Variants in PLXDC2 observed in about 807,000 individuals in gnomAD.
PLXDC2 encodes the protein plexin domain-containing protein 2.
Under a neutral mutation model 68.9 loss-of-function variants are expected in PLXDC2, and 40 were observed. That is an observed-to-expected ratio of 0.58 (90% confidence interval 0.45 to 0.76). The LOEUF is 0.76. Ranked by LOEUF, PLXDC2 falls within the 30% of genes least tolerant of loss-of-function variation. PLXDC2 has a pLI of 0.00. For synonymous variants in PLXDC2, 243 were observed against 234.2 expected, an observed-to-expected ratio of 1.04 and a Z score of -0.34; for missense variants, 644 against 661.9, an observed-to-expected ratio of 0.97 and a Z score of 0.30.
intron 1 of PLXDC2, among the ~76,000 whole-genome samples, chr10:19,886,709 T>G (rs1457370210): frequency 1.3e-5 from 2 of 152,194 alleles, no homozygotes. Flanking sequence ...CTTTGAAAAC[T>G]GGCACAAGAC....
intron 13 of PLXDC2, among the ~76,000 whole-genome samples, chr10:20,266,787 C>T (rs1835877679): frequency 1.3e-5 from 2 of 152,162 alleles, no homozygotes; most frequent in Non-Finnish European, 2.9e-5. Flanking sequence ...ATTCTAATAA[C>T]AATATAGGCG....
intron 13 of PLXDC2, among the ~76,000 whole-genome samples, chr10:20,271,115 G>A (rs762887327): frequency 1.4e-4 from 16 of 110,922 alleles, no homozygotes; most frequent in Middle Eastern, 4.1e-3. Context: ...AAAGGGGACC[G>A]TTTAAGACAA....
chr10:19,937,584 T>TATA (rs1833747720), intron 1 of PLXDC2, among the ~76,000 whole-genome samples: 2 of 80,690 alleles, frequency 2.5e-5, no homozygotes, highest in Non-Finnish European at 5.0e-5. Flanking sequence ...ATATATATAT[T>TATA]TGCAACTTCT....
At chr10:20,194,575 T>G (rs1345147452) in intron 9 of PLXDC2, among the ~76,000 whole-genome samples, 1 of 152,026 alleles carries the variant, frequency 6.6e-6, no homozygotes, top group Non-Finnish European at 1.5e-5. Context: ...AAATATGATA[T>G]CTTTTGAAAG....
chr10:20,166,043 A>C (rs1270809618), intron 7 of PLXDC2, among the ~76,000 whole-genome samples: 2 of 152,102 alleles, frequency 1.3e-5, no homozygotes, highest in East Asian at 3.9e-4. Flanking sequence ...TCTTTTGTTC[A>C]AAGTTCTTTT....
At chr10:20,251,234 C>A (rs1420158765) in intron 13 of PLXDC2, among the ~76,000 whole-genome samples, 1 of 152,130 alleles carries the variant, frequency 6.6e-6, no homozygotes, top group Admixed American at 6.5e-5. Flanking sequence ...GCTTGCATTT[C>A]AAGTTATGTG....
intron 1 of PLXDC2, among the ~76,000 whole-genome samples, chr10:19,893,788 T>A (rs1429541460): frequency 6.6e-6 from 1 of 152,226 alleles, no homozygotes; most frequent in African/African-American, 2.4e-5. Context: ...GCATGTCATG[T>A]CAGAAATGAC....
At chr10:19,941,950 T>G (rs1294907498) in intron 1 of PLXDC2, among the ~76,000 whole-genome samples, 1 of 151,846 alleles carries the variant, frequency 6.6e-6, no homozygotes, top group African/African-American at 2.4e-5. Flanking sequence ...GTATTGTGTT[T>G]GTTTCCAGCC....
chr10:20,028,891 T>C (rs1373446717), intron 2 of PLXDC2, among the ~76,000 whole-genome samples: 1 of 152,226 alleles, frequency 6.6e-6, no homozygotes, highest in East Asian at 1.9e-4. Flanking sequence ...GTCTCTCTTC[T>C]TTTACAGAAT....
intron 4 of PLXDC2, among the ~76,000 whole-genome samples, chr10:20,081,444 A>T (rs1182498044): frequency 2.0e-5 from 3 of 152,208 alleles, no homozygotes; most frequent in Admixed American, 2.0e-4. Context: ...AAAGCAGAAC[A>T]GAACATCAGA....
chr10:20,238,662 A>AATATATATATATATATATATATAT (rs1554777528), intron 12 of PLXDC2, among the ~76,000 whole-genome samples: 1 of 31,726 alleles, frequency 3.2e-5, no homozygotes, highest in African/African-American at 1.0e-4. Context: ...TCTCAAAAAA[A>AATATATATATATATATATATATAT]ATATATATAT....
At chr10:19,932,525 C>T (rs928962877) in intron 1 of PLXDC2, among the ~76,000 whole-genome samples, 1 of 152,338 alleles carries the variant, frequency 6.6e-6, no homozygotes, top group East Asian at 1.9e-4. Flanking sequence ...ACACACTATA[C>T]AGCGTTTTAT....
At chr10:20,258,713 A>T (rs1835773620) in intron 13 of PLXDC2, among the ~76,000 whole-genome samples, 1 of 152,164 alleles carries the variant, frequency 6.6e-6, no homozygotes, top group African/African-American at 2.4e-5. Context: ...CATAGAAAGG[A>T]TGGAAAACTT....
chr10:20,151,166 A>G (rs1426423533), intron 6 of PLXDC2, among the ~76,000 whole-genome samples: 1 of 152,156 alleles, frequency 6.6e-6, no homozygotes, highest in Non-Finnish European at 1.5e-5. Flanking sequence ...GCAAATTGTT[A>G]TTTGTAAAAT....
chr10:19,820,885 C>G (rs951884672), intron 1 of PLXDC2, among the ~76,000 whole-genome samples: 3 of 152,096 alleles, frequency 2.0e-5, no homozygotes, highest in African/African-American at 4.8e-5. Flanking sequence ...CCAGACCAGC[C>G]TGGCCAGCAT....
intron 4 of PLXDC2, among the ~76,000 whole-genome samples, chr10:20,093,890 G>C (rs891079124): frequency 2.6e-5 from 4 of 151,840 alleles, no homozygotes; most frequent in Non-Finnish European, 5.9e-5. Context: ...GCTCAGGCTG[G>C]TCTCAAACTA....
At position 20,046,802 on chromosome 10, in the gene PLXDC2, AT is replaced by A. The variant is rs112463097; in HGVS notation, c.325-59del. ...TATTAATACTCTTGAGTTCAATAGG[AT>A]TTTTTTTAAAGAATTGTAGGTAAAA... On this transcript the variant is annotated intron_variant, in intron 2 of 13. Transcript: ENST00000377252. The A allele has an allele frequency of 1.2e-5, 17 of 1,460,208 alleles. No homozygotes were observed. In the South Asian group the frequency reaches 1.5e-4, roughly 13 times the overall value. The allele number at this position is 1,460,208 out of a possible 1,614,324, so 90.5% of individuals were successfully genotyped here.
At chr10:19,859,740 TA>T (rs1203885128) in intron 1 of PLXDC2, among the ~76,000 whole-genome samples, 3 of 152,162 alleles carry the variant, frequency 2.0e-5, no homozygotes, top group Admixed American at 2.0e-4. Context: ...TATTATATTT[TA>T]TTTTATTTGA....
In PLXDC2 at chr10:19,848,282, G is replaced by A. The variant is rs1454687158; in HGVS notation, c.112+31091G>A. ...GTTCTCTGCTTTTCCTTATGGAATG[G>A]ATCCTTTCTTTAGACACTTTGCCTC... On this transcript the variant is annotated intron_variant, in intron 1 of 13. Transcript: ENST00000377252. Among the ~76,000 whole-genome samples the A allele has an allele frequency of 2.0e-5, 3 of 152,166 alleles. No individual in the cohort carries two copies. In the East Asian group the frequency reaches 5.8e-4, roughly 29 times the overall value.
Sources: allele counts gnomAD v4.1 joint callset (sites outside exome capture counted in the v4.1 genomes callset), GRCh38; gene constraint gnomAD v4.1.1; transcripts MANE v1.5; gene names NCBI Gene and HGNC (gene_info 2026-07-23, HGNC 2026-07-21).